The following ATP13A4 variants were observed in gnomAD, a reference collection of about 807,000 sequenced individuals.
ATP13A4 encodes ATPase 13A4, also known as probable cation-transporting ATPase 13A4.
Under a neutral mutation model 142.5 loss-of-function variants are expected in ATP13A4, and 114 were observed. The observed-to-expected ratio is 0.80, with a 90% confidence interval of 0.69 to 0.93. The LOEUF (loss-of-function observed/expected upper bound fraction) is 0.93. Among genes scored for constraint, ATP13A4 ranks in the 40% least tolerant of loss-of-function variants. The pLI is 0.00. For missense variants in ATP13A4, 1,392 were observed against 1,454.0 expected, an observed-to-expected ratio of 0.96 and a Z score of 0.69; for synonymous variants, 488 against 514.8, an observed-to-expected ratio of 0.95 and a Z score of 0.70.
chr3:193,428,935 T>C (rs572845601), intron 25 of ATP13A4, among the ~76,000 whole-genome samples: 1 of 151,382 alleles, frequency 6.6e-6, no homozygotes, highest in South Asian at 2.1e-4. Context: ...GAACTTAAGG[T>C]ATAATAATAA....
At chr3:193,481,815 T>C (rs1214439306) in intron 8 of ATP13A4, among the ~76,000 whole-genome samples, 1 of 152,202 alleles carries the variant, frequency 6.6e-6, no homozygotes, top group Admixed American at 6.5e-5. Flanking sequence ...TATTGTACAT[T>C]TCATATTAGT....
chr3:193,493,272 CTTAT>C, intron 3 of ATP13A4, 112 bp from the exon 4 acceptor site: 1 of 880,686 alleles, frequency 1.1e-6, no homozygotes, highest in Non-Finnish European at 1.8e-6. Context: ...CTCTAACATA[CTTAT>C]TTAAGATTTT....
chr3:193,551,189 G>A (rs948032379), intron 1 of ATP13A4, among the ~76,000 whole-genome samples: 1 of 152,158 alleles, frequency 6.6e-6, no homozygotes, highest in Non-Finnish European at 1.5e-5. Flanking sequence ...TGAGGCAGGT[G>A]GATCACAAGG....
intron 3 of ATP13A4, among the ~76,000 whole-genome samples, chr3:193,501,734 A>T (rs1720554635): frequency 6.6e-6 from 1 of 152,140 alleles, no homozygotes; most frequent in Non-Finnish European, 1.5e-5. Flanking sequence ...GTAAGACAAA[A>T]CATTCTGTCT....
chr3:193,470,841 G>A lies in ATP13A4; in HGVS notation c.943+18C>T. 1.9e-6 allele frequency: 3 copies of A among 1,613,880 alleles called. 1 individual carries two copies. The South Asian group carries it at 3.3e-5, about 18-fold the overall frequency. On this transcript the variant is annotated intron_variant, in intron 9 of 29. Transcript: ENST00000342695. Reference sequence around the variant, plus strand: ...GGCCAGCCCACAGAGGTTGTCAGCTGTGGAGATGGAACTGTACCTGTCAGC... The same window carrying A: ...GGCCAGCCCACAGAGGTTGTCAGCTATGGAGATGGAACTGTACCTGTCAGC...
At chr3:193,470,735 C>T in intron 9 of ATP13A4, 124 bp downstream of exon 9, 1 of 1,394,626 alleles carries the variant, frequency 7.2e-7, no homozygotes, top group Non-Finnish European at 1.0e-6. Context: ...GGGAAGGTCC[C>T]ATAGCAGCCA....
At chr3:193,578,867 T>A (rs961323807) in intron 2 of ATP13A4, 1 of 160,662 alleles carries the variant, frequency 6.2e-6, no homozygotes, top group East Asian at 1.8e-4. Flanking sequence ...TGTGGCTGGG[T>A]TGTAGCCAGT....
intron 16 of ATP13A4, among the ~76,000 whole-genome samples, chr3:193,455,956 G>A (rs1321433271): frequency 6.6e-6 from 1 of 152,104 alleles, no homozygotes; most frequent in African/African-American, 2.4e-5. Flanking sequence ...AAACTTATAT[G>A]TGGGAGCTAA....
intron 22 of ATP13A4, 40 bp downstream of exon 22, chr3:193,438,983 G>A (rs755328723): frequency 1.8e-4 from 289 of 1,564,796 alleles, no homozygotes; most frequent in Non-Finnish European, 2.5e-4. Flanking sequence ...AAGTGTAATC[G>A]AATGTGAGAT....
intron 25 of ATP13A4, among the ~76,000 whole-genome samples, chr3:193,430,979 G>A (rs909428475): frequency 6.6e-6 from 1 of 152,066 alleles, no homozygotes; most frequent in Non-Finnish European, 1.5e-5. Context: ...GCATTGCTTA[G>A]TGACTAATGA....
chr3:193,549,834 C>A (rs1387872389), intron 1 of ATP13A4, among the ~76,000 whole-genome samples: 1 of 152,052 alleles, frequency 6.6e-6, no homozygotes, highest in Non-Finnish European at 1.5e-5. Context: ...CCAAAAAAAA[C>A]TAACATGAAA....
chr3:193,578,126 T>G (rs1357243512), intron 2 of ATP13A4, among the ~76,000 whole-genome samples: 1 of 152,070 alleles, frequency 6.6e-6, no homozygotes, highest in Non-Finnish European at 1.5e-5. Context: ...AAACCCTGTA[T>G]CTACTAAAAA....
intron 1 of ATP13A4, chr3:193,592,995 C>T (rs183775269): frequency 1.3e-4 from 32 of 249,892 alleles, no homozygotes; most frequent in East Asian, 7.6e-4. Flanking sequence ...CCAACTCTCG[C>T]TCCCTCCCCT....
intron 2 of ATP13A4, among the ~76,000 whole-genome samples, chr3:193,565,862 C>A (rs1724120794): frequency 6.6e-6 from 1 of 152,190 alleles, no homozygotes. Flanking sequence ...TTGAACGCAC[C>A]ATTCCACTGC....
chr3:193,422,226 T>C (rs1284888672), intron 25 of ATP13A4, among the ~76,000 whole-genome samples: 1 of 149,764 alleles, frequency 6.7e-6, no homozygotes, highest in Non-Finnish European at 1.5e-5. Flanking sequence ...CACGTAAATA[T>C]ATAAAGCAAA....
At chr3:193,532,005 T>A (rs1722364590) in intron 1 of ATP13A4, among the ~76,000 whole-genome samples, 1 of 152,136 alleles carries the variant, frequency 6.6e-6, no homozygotes, top group Non-Finnish European at 1.5e-5. Flanking sequence ...TAAATATTTA[T>A]ACTGATGTGC....
At position 193,459,212 on chromosome 3, in the gene ATP13A4, A is replaced by G; in HGVS notation, c.1543T>C (p.Phe515Leu). The G allele has an allele frequency of 6.2e-7, 1 of 1,614,262 alleles. No individual in the cohort carries two copies. The highest frequency in any genetic ancestry group is 8.5e-7 in the Non-Finnish European group (1 of 1,180,038). ...DRNGFQEVHS[F>L]ASGQALPWGP... ...CATGGCAAAGCCTGGCCTGAGGCAA[A>G]GCTGTGAACTTCCTGAAAGCTTAAG... The change falls in exon 14 of 30, where the codon TTT (phenylalanine) becomes CTT (leucine). Residue 515 changes from phenylalanine (F) to leucine (L), a missense_variant. Physicochemically the swap from Phe to Leu is conservative, Grantham distance 22. Transcript: ENST00000342695.
At chr3:193,429,104 A>G (rs1346345114) in intron 25 of ATP13A4, among the ~76,000 whole-genome samples, 1 of 151,916 alleles carries the variant, frequency 6.6e-6, no homozygotes, top group East Asian at 1.9e-4. Context: ...TCATAATAAG[A>G]TATCACTCCA....
In ATP13A4 at chr3:193,404,301, T is replaced by C. The variant is rs903562206; in HGVS notation, c.3379-1437A>G. 6 of 277,038 alleles carry C rather than the reference T, an allele frequency of 2.2e-5. No homozygotes were observed. In the East Asian group the frequency reaches 8.8e-4, roughly 41 times the overall value. The allele number at this position is 277,038 out of a possible 1,614,324, so 17.2% of individuals were successfully genotyped here. A position where few individuals can be genotyped will look rare whatever the true frequency, so the allele number is the denominator to read the frequency against. On this transcript the variant is annotated intron_variant, in intron 29 of 29. Coordinates refer to ENST00000342695, the MANE Select transcript of ATP13A4 (RefSeq NM_032279.4). ...GAGAGAGAAACTTTGGTGCTCTCCA[T>C]CTCTACATCTTGCCTTCAGTGTTTT...
Sources: allele counts gnomAD v4.1 joint callset (sites outside exome capture counted in the v4.1 genomes callset), GRCh38; gene constraint gnomAD v4.1.1; transcripts MANE v1.5; gene names NCBI Gene and HGNC (gene_info 2026-07-23, HGNC 2026-07-21).